Variants in ELMO1 observed in about 807,000 individuals in gnomAD.
The protein encoded by ELMO1 is engulfment and cell motility 1.
A neutral mutation model predicts 98.9 loss-of-function variants in ELMO1; 26 were observed. The ratio of observed to expected loss-of-function variants is 0.26; its 90% CI spans 0.19 to 0.36. ELMO1 has a LOEUF of 0.36. ELMO1 is among the 10% of genes least tolerant of loss of function. ELMO1 has a pLI of 1.00. For missense variants in ELMO1, 627 were observed against 935.2 expected (o/e 0.67, Z 4.30); for synonymous variants, 346 against 346.0 (o/e 1.00, Z 0.00).
intron 13 of ELMO1, among the ~76,000 whole-genome samples, chr7:37,191,884 T>G (rs1791606130): frequency 6.6e-6 from 1 of 151,710 alleles, no homozygotes; most frequent in Non-Finnish European, 1.5e-5. Flanking sequence ...CACCAGTGAC[T>G]ACCGCCTGGG....
chr7:37,355,141 T>C (rs1025949693), intron 1 of ELMO1, among the ~76,000 whole-genome samples: 1 of 152,186 alleles, frequency 6.6e-6, no homozygotes, highest in Non-Finnish European at 1.5e-5. Flanking sequence ...TTATGAGGGC[T>C]CTGGGGTCAG....
chr7:37,309,336 A>G (rs1019803681), intron 4 of ELMO1, among the ~76,000 whole-genome samples: 1 of 152,182 alleles, frequency 6.6e-6, no homozygotes, highest in Non-Finnish European at 1.5e-5. Context: ...CCTTGATTCA[A>G]TTATCTCCCA....
intron 13 of ELMO1, 60 bp from the exon 14 acceptor site, chr7:37,133,294 G>C: frequency 7.5e-7 from 1 of 1,337,712 alleles, no homozygotes; most frequent in Non-Finnish European, 1.1e-6. Flanking sequence ...CCAACCACCA[G>C]AGATCTGATT....
intron 2 of ELMO1, among the ~76,000 whole-genome samples, chr7:37,324,982 A>T (rs982974195): frequency 1.3e-5 from 2 of 152,138 alleles, no homozygotes; most frequent in African/African-American, 4.8e-5. Flanking sequence ...CCCGTTATGA[A>T]GATTAATTGA....
intron 15 of ELMO1, among the ~76,000 whole-genome samples, chr7:37,022,827 CT>C (rs1208280746): frequency 6.6e-6 from 1 of 152,182 alleles, no homozygotes; most frequent in East Asian, 1.9e-4. Context: ...TTGAAACAAT[CT>C]AAATGTCCAT....
At chr7:37,013,658 G>T (rs1023276192) in intron 15 of ELMO1, 14 of 511,342 alleles carry the variant, frequency 2.7e-5, no homozygotes, top group Non-Finnish European at 4.9e-5. Flanking sequence ...CATATTTTTG[G>T]ACTCATAAAA....
intron 13 of ELMO1, among the ~76,000 whole-genome samples, chr7:37,138,973 T>A (rs1010258970): frequency 3.9e-5 from 6 of 152,084 alleles, no homozygotes; most frequent in Non-Finnish European, 7.4e-5. Flanking sequence ...AAAACGAAAA[T>A]CATATGATCA....
chr7:37,128,371 C>T (rs1324723587), intron 14 of ELMO1, among the ~76,000 whole-genome samples: 2 of 152,180 alleles, frequency 1.3e-5, no homozygotes, highest in Non-Finnish European at 2.9e-5. Flanking sequence ...TGTACCATTC[C>T]TCTGGTCTGG....
At chr7:37,140,651 T>C (rs1011162441) in intron 13 of ELMO1, among the ~76,000 whole-genome samples, 4 of 152,228 alleles carry the variant, frequency 2.6e-5, no homozygotes, top group African/African-American at 7.2e-5. Flanking sequence ...AAAAGACTAA[T>C]ATCCAGAATT....
chr7:37,337,361 C>A (rs1299437479), intron 2 of ELMO1, among the ~76,000 whole-genome samples: 1 of 151,954 alleles, frequency 6.6e-6, no homozygotes, highest in African/African-American at 2.4e-5. Context: ...GAACATCACA[C>A]ACCGGGGCCT....
chr7:37,038,044 T>C (rs750569172), intron 15 of ELMO1, among the ~76,000 whole-genome samples: 1 of 152,136 alleles, frequency 6.6e-6, no homozygotes, highest in Admixed American at 6.5e-5. Context: ...ATCCCCTATA[T>C]CTTAAAAAGA....
intron 1 of ELMO1, among the ~76,000 whole-genome samples, chr7:37,373,336 G>T (rs764514010): frequency 5.3e-5 from 8 of 152,130 alleles, no homozygotes; most frequent in Non-Finnish European, 1.0e-4. Flanking sequence ...GCCAGGCATG[G>T]TGGCTCACAC....
intron 1 of ELMO1, among the ~76,000 whole-genome samples, chr7:37,397,572 C>A (rs900423821): frequency 6.6e-6 from 1 of 152,234 alleles, no homozygotes; most frequent in Admixed American, 6.5e-5. Context: ...ACCTCAGTTT[C>A]CTCATCAAGA....
At chr7:37,301,862 T>C (rs951953642) in intron 4 of ELMO1, among the ~76,000 whole-genome samples, 4 of 152,186 alleles carry the variant, frequency 2.6e-5, no homozygotes, top group Admixed American at 6.5e-5. Context: ...CATTTATCAA[T>C]GGAGAAAATT....
At chr7:36,944,424 TAA>T (rs1787303133) in intron 16 of ELMO1, among the ~76,000 whole-genome samples, 1 of 152,210 alleles carries the variant, frequency 6.6e-6, no homozygotes, top group African/African-American at 2.4e-5. Flanking sequence ...CGATTCAAAC[TAA>T]AGTCTGCTTG....
rs1797391759 is a variant in ELMO1 at position 37,286,324 on chromosome 7, C to T, written c.193-14442G>A. Among the ~76,000 whole-genome samples the T allele has an allele frequency of 2.0e-5, 3 of 152,362 alleles. No homozygotes were observed. In the South Asian group the frequency reaches 6.2e-4, roughly 32 times the overall value. ...TGCTGTGGCATTAGCCACCCAGACA[C>T]TAGTGTCAGATGGGCCTGATCCAAA... On this transcript the variant is annotated intron_variant, in intron 4 of 21. Coordinates refer to ENST00000310758, the MANE Select transcript of ELMO1 (RefSeq NM_014800.11).
At chr7:37,202,810 T>C (rs1232389924) in intron 13 of ELMO1, among the ~76,000 whole-genome samples, 1 of 152,158 alleles carries the variant, frequency 6.6e-6, no homozygotes, top group Non-Finnish European at 1.5e-5. Flanking sequence ...GAGCCACCTC[T>C]TTTTCAGGGT....
chr7:36,928,514 G>T (rs892143743), intron 16 of ELMO1, among the ~76,000 whole-genome samples: 2 of 151,964 alleles, frequency 1.3e-5, no homozygotes, highest in African/African-American at 4.8e-5. Context: ...TTACACCATC[G>T]TTTTTTTTCC....
At chr7:37,191,113 C>T (rs1298104441) in intron 13 of ELMO1, among the ~76,000 whole-genome samples, 7 of 141,160 alleles carry the variant, frequency 5.0e-5, no homozygotes, top group Admixed American at 3.9e-4. Context: ...GGCATGAACT[C>T]GGGAGGTGGA....
Sources: gnomAD v4.1 joint callset for allele counts (sites outside exome capture counted in the v4.1 genomes callset) on GRCh38, gnomAD v4.1.1 for gene constraint, MANE v1.5 for transcripts, NCBI Gene and HGNC (gene_info 2026-07-23, HGNC 2026-07-21) for gene names.